Variants in LRGUK observed in about 807,000 individuals in gnomAD.
LRGUK encodes the protein leucine-rich repeat and guanylate kinase domain-containing protein.
Under a neutral mutation model 76.0 loss-of-function variants are expected in LRGUK, and 65 were observed. The ratio of observed to expected loss-of-function variants is 0.85; its 90% CI spans 0.70 to 1.05. The LOEUF is 1.05. Among genes scored for constraint, LRGUK ranks in the 50% least tolerant of loss-of-function variants. The probability of loss-of-function intolerance (pLI) is 0.00; values close to 1 mark genes in which losing one functional copy is unlikely to be tolerated. For synonymous variants in LRGUK, 268 were observed against 265.6 expected (o/e 1.01, Z -0.09); for missense variants, 758 against 732.8 (o/e 1.03, Z -0.40).
intron 16 of LRGUK, among the ~76,000 whole-genome samples, chr7:134,233,893 G>A (rs997218770): frequency 6.6e-6 from 1 of 152,128 alleles, no homozygotes; most frequent in Admixed American, 6.5e-5. Flanking sequence ...CCCACAGCCT[G>A]CCGGCCACAT....
chr7:134,240,918 A>G (rs1467616421), intron 16 of LRGUK, among the ~76,000 whole-genome samples: 5 of 152,226 alleles, frequency 3.3e-5, no homozygotes, highest in African/African-American at 1.2e-4. Flanking sequence ...TAAAGAAAAG[A>G]ATTTTCAACC....
At chr7:134,181,466 T>C (rs1799745542) in intron 10 of LRGUK, among the ~76,000 whole-genome samples, 1 of 151,988 alleles carries the variant, frequency 6.6e-6, no homozygotes, top group Non-Finnish European at 1.5e-5. Flanking sequence ...TATGTCCTGG[T>C]TTAGTTCTGA....
chr7:134,187,242 ATT>A (rs759439368), intron 11 of LRGUK, among the ~76,000 whole-genome samples: 25 of 151,942 alleles, frequency 1.6e-4, no homozygotes, highest in Non-Finnish European at 3.4e-4. Context: ...TCTTGTTTAG[ATT>A]TTCTTTTCTA....
At chr7:134,268,349 A>G (rs574027375), downstream of LRGUK, among the ~76,000 whole-genome samples, 11 of 152,288 alleles carry the variant, frequency 7.2e-5, no homozygotes, top group African/African-American at 2.6e-4. Context: ...ACAACTCTAC[A>G]TATGTAATTT....
In LRGUK at chr7:134,163,535, A is replaced by C. The variant is rs769805206; in HGVS notation, c.934A>C (p.Asn312His). The change falls in exon 7 of 16, where the codon AAT (asparagine) becomes CAT (histidine). Residue 312 changes from asparagine to histidine, a missense_variant. Transcript: ENST00000645682. ...CCTGGAAGTGATCAACCTGGAGGAT[A>C]ATAAGGTAGTGTTGCACTTCACATG... The C allele has an allele frequency of 2.5e-6, 4 of 1,610,688 alleles. No individual in the cohort carries two copies. In the African/African-American group the frequency reaches 4.0e-5, roughly 16 times the overall value.
At chr7:134,169,193 C>T (rs1002553566) in intron 7 of LRGUK, among the ~76,000 whole-genome samples, 1 of 134,632 alleles carries the variant, frequency 7.4e-6, no homozygotes, top group Non-Finnish European at 1.6e-5. Context: ...CACACACACA[C>T]ACTGAAGGCC....
At chr7:134,129,198 C>T (rs1161916383) in intron 1 of LRGUK, among the ~76,000 whole-genome samples, 1 of 133,600 alleles carries the variant, frequency 7.5e-6, no homozygotes, top group Non-Finnish European at 1.6e-5. Flanking sequence ...TCCTTCCTCC[C>T]TCCCTTCCTT....
At chr7:134,273,839 T>C in the LRGUK span, among the ~76,000 whole-genome samples, 183 of 152,286 alleles carry the variant, frequency 1.2e-3, no homozygotes, top group Non-Finnish European at 1.9e-3. Context: ...TTCTGGGATG[T>C]TGGTGTTTTC....
At chr7:134,181,415 GT>G (rs1456208996) in intron 10 of LRGUK, among the ~76,000 whole-genome samples, 1 of 150,538 alleles carries the variant, frequency 6.6e-6, no homozygotes, top group Non-Finnish European at 1.5e-5. Context: ...CTAATTGGAA[GT>G]TTTTTTCTTT....
intron 1 of LRGUK, among the ~76,000 whole-genome samples, chr7:134,131,477 G>A (rs1797304124): frequency 6.6e-6 from 1 of 152,202 alleles, no homozygotes; most frequent in African/African-American, 2.4e-5. Context: ...TTCAGGGGAA[G>A]GAGACTCTTG....
chr7:134,173,029 G>A (rs1178205547), intron 7 of LRGUK, among the ~76,000 whole-genome samples: 1 of 151,910 alleles, frequency 6.6e-6, no homozygotes, highest in Non-Finnish European at 1.5e-5. Context: ...AAGAGCAGAT[G>A]GAATGCTAGA....
At chr7:134,257,632 C>T (rs1366705239) in intron 18 of LRGUK, among the ~76,000 whole-genome samples, 1 of 149,234 alleles carries the variant, frequency 6.7e-6, no homozygotes, top group Non-Finnish European at 1.5e-5. Context: ...ATGGCATAAC[C>T]CCATCTCTAC....
chr7:134,178,934 A>AAAAAAACC (rs1554464244), intron 10 of LRGUK, among the ~76,000 whole-genome samples: 2 of 78,134 alleles, frequency 2.6e-5, no homozygotes, highest in Admixed American at 2.2e-4. Context: ...CTCAAAAAAA[A>AAAAAAACC]AAAAAAAAAA....
rs1405472086 is a variant in LRGUK, at chr7:134,148,778, T to C, written c.670+459T>C. Among the ~76,000 whole-genome samples, 4 of 152,012 alleles carry C rather than the reference T, an allele frequency of 2.6e-5. No individual in the cohort carries two copies. In the East Asian group the frequency reaches 7.7e-4, roughly 29 times the overall value. ...CTGCCTCTACTAAAAATACAAAAAT[T>C]AGCCAGATGTGATGGGATGTGCCTG... On this transcript the variant is annotated intron_variant, in intron 5 of 15. Transcript: ENST00000645682.
chr7:134,249,147 T>A (rs1802384608), intron 18 of LRGUK, 71 bp downstream of exon 18: 21 of 1,406,592 alleles, frequency 1.5e-5, no homozygotes, highest in Non-Finnish European at 1.9e-5. Flanking sequence ...GGTACTCATC[T>A]CTAAGCTTCA....
chr7:134,174,787 G>T (rs763073653), intron 8 of LRGUK, 151 bp downstream of exon 8: 3 of 600,866 alleles, frequency 5.0e-6, no homozygotes, highest in Non-Finnish European at 8.9e-6. Context: ...CTAAGGAAGG[G>T]TTTAGTAGTA....
chr7:134,219,717 T>A (rs79553618), intron 15 of LRGUK, among the ~76,000 whole-genome samples: 193 of 152,242 alleles, frequency 1.3e-3, no homozygotes, highest in Non-Finnish European at 2.3e-3. Flanking sequence ...TCTGTCTCTC[T>A]CTCTCTGTTT....
intron 18 of LRGUK, among the ~76,000 whole-genome samples, chr7:134,253,777 T>C (rs1424047833): frequency 6.6e-6 from 1 of 152,234 alleles, no homozygotes; most frequent in African/African-American, 2.4e-5. Flanking sequence ...ATGGTGCCAC[T>C]ACACTCCAGT....
intron 10 of LRGUK, among the ~76,000 whole-genome samples, chr7:134,178,908 C>T (rs1436287490): frequency 5.5e-5 from 4 of 72,094 alleles, no homozygotes; most frequent in African/African-American, 1.2e-4. Context: ...CAGCGTGTGC[C>T]ACACAACAGT....
Sources: gnomAD v4.1 joint callset for allele counts (sites outside exome capture counted in the v4.1 genomes callset) on GRCh38, gnomAD v4.1.1 for gene constraint, MANE v1.5 for transcripts, NCBI Gene and HGNC (gene_info 2026-07-23, HGNC 2026-07-21) for gene names.